Variants in IFI27L1 observed in about 807,000 individuals in gnomAD.
IFI27L1 encodes interferon alpha-inducible protein 27-like protein 1.
In IFI27L1, 3 loss-of-function variants were observed where a neutral mutation model predicts 9.2. The observed-to-expected ratio is 0.32, with a 90% CI of 0.15 to 0.84. The LOEUF is 0.84. Ranked by LOEUF, IFI27L1 falls within the 40% of genes least tolerant of loss-of-function variation. The pLI is 0.56. For synonymous variants in IFI27L1, 53 were observed against 50.0 expected, an observed-to-expected ratio of 1.06 and a Z score of -0.26; for missense variants, 133 against 134.2, an observed-to-expected ratio of 0.99 and a Z score of 0.05.
intron 1 of IFI27L1, among the ~76,000 whole-genome samples, chr14:94,087,252 A>C (rs1244585054): frequency 6.6e-6 from 1 of 152,192 alleles, no homozygotes; most frequent in Non-Finnish European, 1.5e-5. Context: ...TTCTGGGCAG[A>C]TGTGCTCACG....
intron 1 of IFI27L1, among the ~76,000 whole-genome samples, chr14:94,082,710 T>C (rs1595384866): frequency 6.6e-6 from 1 of 152,248 alleles, no homozygotes; most frequent in East Asian, 1.9e-4. Flanking sequence ...AGCACAACTG[T>C]TCATAGCATG....
intron 1 of IFI27L1, among the ~76,000 whole-genome samples, chr14:94,083,829 C>T (rs1886191471): frequency 6.6e-6 from 1 of 152,056 alleles, no homozygotes; most frequent in South Asian, 2.1e-4. Context: ...GTGGCACATC[C>T]CTGTAGTCCC....
At chr14:94,102,171 T>C (rs993530082) in intron 4 of IFI27L1, 196 bp downstream of exon 4, 2 of 636,490 alleles carry the variant, frequency 3.1e-6, no homozygotes, top group Non-Finnish European at 5.5e-6. Context: ...TGGTGAACCC[T>C]ACAAAACCCA....
intron 2 of IFI27L1, 148 bp downstream of exon 2, chr14:94,097,113 G>A (rs1352361210): frequency 2.0e-5 from 13 of 649,762 alleles, no homozygotes; most frequent in African/African-American, 9.1e-5. Context: ...AATGAATGAC[G>A]GGATTTTTAA....
chr14:94,095,833 G>T (rs1361328321), intron 1 of IFI27L1, among the ~76,000 whole-genome samples: 1 of 152,188 alleles, frequency 6.6e-6, no homozygotes, highest in Non-Finnish European at 1.5e-5. Flanking sequence ...TATGAGATTT[G>T]GAGGGGACAA....
intron 1 of IFI27L1, among the ~76,000 whole-genome samples, chr14:94,086,003 A>G (rs1447782256): frequency 6.6e-6 from 1 of 152,174 alleles, no homozygotes; most frequent in Non-Finnish European, 1.5e-5. Flanking sequence ...TAGTTTGGAT[A>G]TTTGTCCCCA....
intron 2 of IFI27L1, 77 bp from the exon 3 acceptor site, chr14:94,100,662 G>A (rs927835623): frequency 4.4e-6 from 7 of 1,600,872 alleles, no homozygotes; most frequent in African/African-American, 1.3e-5. Flanking sequence ...AATTTGAGAT[G>A]GGGGTATCAG....
rs565812135 is a variant in IFI27L1 at position 94,102,511 on chromosome 14, C to T, written c.258C>T (p.Ile86=). The T allele has an allele frequency of 1.2e-5, 19 of 1,594,088 alleles. No homozygotes were observed. The highest frequency in any genetic ancestry group is 7.9e-5 in the South Asian group (7 of 88,240). ...AAGLSVTSKV[I]GGFAGTALGA... ...GACTCTCTGTGACATCTAAAGTTAT[C>T]GGGGGCTTTGCTGGGACAGCTCTTG... Residue 86 remains isoleucine, a synonymous_variant, in exon 5 of 5, where the codon ATC becomes ATT. Transcript: ENST00000555523.
intron 2 of IFI27L1, 65 bp downstream of exon 2, chr14:94,097,030 C>CTGGTG (rs1467357624): frequency 1.5e-6 from 2 of 1,332,056 alleles, no homozygotes; most frequent in African/African-American, 2.9e-5. Flanking sequence ...TTGTGTCCCA[C>CTGGTG]TCTTCTGACA....
intron 4 of IFI27L1, 52 bp downstream of exon 4, chr14:94,102,027 G>A (rs758574455): frequency 7.5e-6 from 12 of 1,604,818 alleles, no homozygotes; most frequent in Non-Finnish European, 1.0e-5. Flanking sequence ...CAGCCCCGAG[G>A]CTGAACCAGG....
At chr14:94,097,200 T>A (rs1483082260) in intron 2 of IFI27L1, among the ~76,000 whole-genome samples, 2 of 152,158 alleles carry the variant, frequency 1.3e-5, no homozygotes. Context: ...AGACAAAGGT[T>A]TTTAAAAGCA....
intron 1 of IFI27L1, among the ~76,000 whole-genome samples, chr14:94,094,410 G>T (rs931931930): frequency 6.6e-6 from 1 of 152,046 alleles, no homozygotes; most frequent in Non-Finnish European, 1.5e-5. Flanking sequence ...TGCTGCAACG[G>T]GTGGGTCTTT....
At chr14:94,101,693 C>G in intron 3 of IFI27L1, 121 bp from the exon 4 acceptor site, 2 of 978,708 alleles carry the variant, frequency 2.0e-6, no homozygotes, top group Non-Finnish European at 3.1e-6. Flanking sequence ...GGGATCCCAT[C>G]CCTGCTCAGT....
intron 2 of IFI27L1, chr14:94,097,828 G>C: frequency 1.6e-6 from 1 of 631,978 alleles, no homozygotes; most frequent in Non-Finnish European, 2.8e-6. Context: ...CTTCCAGAGG[G>C]GAAATGGGAG....
At chr14:94,089,136 C>T (rs1341847909) in intron 1 of IFI27L1, 1 of 152,094 alleles carries the variant, frequency 6.6e-6, no homozygotes. Context: ...CGATGCATAT[C>T]CTAAGAGAAG....
At chr14:94,092,354 A>G (rs1886510262) in intron 1 of IFI27L1, among the ~76,000 whole-genome samples, 1 of 151,894 alleles carries the variant, frequency 6.6e-6, no homozygotes, top group South Asian at 2.1e-4. Context: ...TCTACTAAAA[A>G]TACAAAAATT....
chr14:94,096,354 A>G (rs1040268864), intron 1 of IFI27L1, among the ~76,000 whole-genome samples: 1 of 152,140 alleles, frequency 6.6e-6, no homozygotes, highest in Non-Finnish European at 1.5e-5. Flanking sequence ...TCTCTTAGCT[A>G]TTGTGAATAA....
rs776503890 is a variant in IFI27L1 at position 94,100,762 on chromosome 14, G to A, written c.52G>A (p.Val18Ile). Residue 18 changes from valine to isoleucine, a missense_variant, in exon 3 of 5, where the codon GTC becomes ATC. Val to Ile is a conservative substitution (Grantham distance 29). Coordinates refer to ENST00000555523, the MANE Select transcript of IFI27L1 (RefSeq NM_206949.3). Reference sequence around the variant, plus strand: ...AGGCAGGGCTGCTGTAGCAGCTGTGGTCGGAGGAGGTGAGTCTCTATGGGA... The same window carrying A: ...AGGCAGGGCTGCTGTAGCAGCTGTGATCGGAGGAGGTGAGTCTCTATGGGA... Reference protein sequence around the residue: ...DSGRAAVAAVVGGVVAVGTVL... With the variant: ...DSGRAAVAAVIGGVVAVGTVL... 1.2e-6 allele frequency: 2 copies of A among 1,613,548 alleles called. No individual in the cohort carries two copies. The highest frequency in any genetic ancestry group is 8.5e-7 in the Non-Finnish European group (1 of 1,179,930).
chr14:94,102,084 C>A, intron 4 of IFI27L1, 109 bp downstream of exon 4: 1 of 1,190,294 alleles, frequency 8.4e-7, no homozygotes, highest in Non-Finnish European at 1.2e-6. Context: ...GCCTCTTGGG[C>A]CCTTTGTCTT....
Sources: allele counts gnomAD v4.1 joint callset (sites outside exome capture counted in the v4.1 genomes callset), GRCh38; gene constraint gnomAD v4.1.1; transcripts MANE v1.5; gene names NCBI Gene and HGNC (gene_info 2026-07-23, HGNC 2026-07-21).